DLG2: variants seen among roughly 807,000 people sequenced by gnomAD.
DLG2 encodes discs large MAGUK scaffold protein 2, also known as disks large homolog 2.
A neutral mutation model predicts 132.5 loss-of-function variants in DLG2; 45 were observed. The observed-to-expected ratio is 0.34, with a 90% CI of 0.27 to 0.44. The LOEUF is 0.44. DLG2 is among the 20% of genes least tolerant of loss of function. The probability of loss-of-function intolerance (pLI) is 1.00; values close to 1 mark genes in which losing one functional copy is unlikely to be tolerated. For synonymous variants in DLG2, 424 were observed against 419.6 expected, an observed-to-expected ratio of 1.01 and a Z score of -0.13; for missense variants, 1,045 against 1,196.9, an observed-to-expected ratio of 0.87 and a Z score of 1.87.
chr11:83,930,612 G>T (rs1247460971), intron 14 of DLG2, 129 bp from the exon 15 acceptor site: 2 of 967,286 alleles, frequency 2.1e-6, no homozygotes, highest in Admixed American at 3.0e-5. Context: ...GTTACTAAAA[G>T]AAACCCAATT....
chr11:85,348,315 C>G (rs1046310216), intron 3 of DLG2, among the ~76,000 whole-genome samples: 3 of 151,480 alleles, frequency 2.0e-5, no homozygotes, highest in Non-Finnish European at 4.4e-5. Context: ...TTCAGCCTCC[C>G]AGGTTCAAGT....
At chr11:83,893,667 T>A (rs762359096) in intron 15 of DLG2, among the ~76,000 whole-genome samples, 29 of 152,234 alleles carry the variant, frequency 1.9e-4, no homozygotes, top group Non-Finnish European at 5.9e-5. Context: ...AATTTTGTAT[T>A]TGTTGACTTA....
chr11:85,302,194 C>T (rs2079626807), intron 3 of DLG2, among the ~76,000 whole-genome samples: 1 of 152,178 alleles, frequency 6.6e-6, no homozygotes, highest in Non-Finnish European at 1.5e-5. Flanking sequence ...ACAGACACTA[C>T]TAACATATCA....
chr11:84,891,032 C>A (rs192803221), intron 6 of DLG2: 96 of 152,272 alleles, frequency 6.3e-4, no homozygotes, highest in African/African-American at 2.2e-3. Context: ...CTTTTTCTTA[C>A]CATCCCTCAC....
chr11:84,953,942 G>T (rs2051290002), intron 6 of DLG2, among the ~76,000 whole-genome samples: 1 of 152,026 alleles, frequency 6.6e-6, no homozygotes, highest in South Asian at 2.1e-4. Context: ...GTATGCTAAG[G>T]TGTGCCTTAG....
chr11:84,929,438 G>A (rs1019742544), intron 6 of DLG2, among the ~76,000 whole-genome samples: 39 of 151,970 alleles, frequency 2.6e-4, no homozygotes, highest in African/African-American at 8.7e-4. Context: ...TTAAAATAAC[G>A]TATACTTCAA....
chr11:83,668,742 T>C, intron 18 of DLG2, among the ~76,000 whole-genome samples: 1 of 143,818 alleles, frequency 7.0e-6, no homozygotes. Context: ...TATATGTGTA[T>C]ATAAACACAC....
chr11:84,721,161 C>T (rs1040793746), intron 6 of DLG2, among the ~76,000 whole-genome samples: 1 of 152,120 alleles, frequency 6.6e-6, no homozygotes, highest in Non-Finnish European at 1.5e-5. Context: ...GAGGCCCGCT[C>T]GGAGCGCGGC....
intron 21 of DLG2, among the ~76,000 whole-genome samples, chr11:83,511,523 G>A (rs1350383521): frequency 6.6e-6 from 1 of 152,054 alleles, no homozygotes; most frequent in East Asian, 1.9e-4. Flanking sequence ...CTCCATCATA[G>A]GCTATTATAG....
chr11:85,318,108 A>G (rs2080814202), intron 3 of DLG2, among the ~76,000 whole-genome samples: 2 of 151,912 alleles, frequency 1.3e-5, no homozygotes, highest in Non-Finnish European at 2.9e-5. Flanking sequence ...GTCAAAAAAA[A>G]GTAGAAGCAG....
intron 3 of DLG2, among the ~76,000 whole-genome samples, chr11:85,502,667 G>A (rs959977091): frequency 1.3e-5 from 2 of 152,020 alleles, no homozygotes; most frequent in Admixed American, 6.6e-5. Context: ...GGGGGCAAGG[G>A]GAGGGAGAGC....
At chr11:84,610,603 C>T (rs567931873) in intron 6 of DLG2, among the ~76,000 whole-genome samples, 1 of 152,196 alleles carries the variant, frequency 6.6e-6, no homozygotes, top group Admixed American at 6.5e-5. Flanking sequence ...GAAGCCTGAA[C>T]CACCAGGTCA....
chr11:83,708,371 A>G (rs1204431755), intron 18 of DLG2, among the ~76,000 whole-genome samples: 7 of 152,248 alleles, frequency 4.6e-5, no homozygotes, highest in Non-Finnish European at 8.8e-5. Flanking sequence ...CAAATGTTGA[A>G]AATAGAAAAA....
intron 4 of DLG2, among the ~76,000 whole-genome samples, chr11:85,274,683 G>T (rs973601177): frequency 6.6e-6 from 1 of 152,040 alleles, no homozygotes. Flanking sequence ...TCTTCCCCAA[G>T]GTGGGTCATA....
intron 7 of DLG2, among the ~76,000 whole-genome samples, chr11:84,481,531 C>A (rs956800870): frequency 1.3e-5 from 2 of 152,160 alleles, no homozygotes; most frequent in Non-Finnish European, 2.9e-5. Context: ...AAGGGCCATA[C>A]GTAGTATCAC....
intron 6 of DLG2, among the ~76,000 whole-genome samples, chr11:84,686,133 G>T (rs1344696119): frequency 2.0e-5 from 3 of 152,106 alleles, no homozygotes; most frequent in African/African-American, 7.2e-5. Flanking sequence ...CATTTGGCTC[G>T]AGCCAGACAG....
At chr11:84,300,822 G>T (rs1185821454) in intron 7 of DLG2, among the ~76,000 whole-genome samples, 1 of 152,136 alleles carries the variant, frequency 6.6e-6, no homozygotes. Context: ...CAAGAGTACA[G>T]GCAGAAAGAC....
rs1459920997 is a variant in DLG2 at position 84,175,896 on chromosome 11, A to T, written c.574-12385T>A. The stretch of plus-strand genomic sequence containing the variant: ...TTTCAAAGTACTTTAGGACCATGAC[A>T]AGGACTGCTTATTAATAGGTTTTGT... On this transcript the variant is annotated intron_variant, in intron 8 of 27. Coordinates refer to ENST00000376104, the MANE Select transcript of DLG2 (RefSeq NM_001142699.3). 2.6e-5 allele frequency among the ~76,000 whole-genome samples: 4 copies of T among 152,216 alleles called. No homozygotes were observed. In the East Asian group the frequency reaches 5.8e-4, roughly 22 times the overall value.
intron 6 of DLG2, among the ~76,000 whole-genome samples, chr11:85,044,259 T>G (rs990578206): frequency 6.6e-6 from 1 of 152,046 alleles, no homozygotes; most frequent in African/African-American, 2.4e-5. Flanking sequence ...TATCATATTA[T>G]ATCATAATTG....
Sources: allele counts gnomAD v4.1 joint callset (sites outside exome capture counted in the v4.1 genomes callset), GRCh38; gene constraint gnomAD v4.1.1; transcripts MANE v1.5; gene names NCBI Gene and HGNC (gene_info 2026-07-23, HGNC 2026-07-21).